Variants in LTBP1 observed in about 807,000 individuals in gnomAD.
The protein encoded by LTBP1 is latent-transforming growth factor beta-binding protein 1.
A neutral mutation model predicts 207.6 loss-of-function variants in LTBP1; 129 were observed. That is an observed-to-expected ratio of 0.62 (90% confidence interval 0.54 to 0.72). The LOEUF (loss-of-function observed/expected upper bound fraction) is 0.72, where lower values mean the gene tolerates loss of function less well. Among genes scored for constraint, LTBP1 ranks in the 30% least tolerant of loss-of-function variants. The probability of loss-of-function intolerance (pLI) is 0.00; values close to 1 mark genes in which losing one functional copy is unlikely to be tolerated. For missense variants in LTBP1, 2,281 were observed against 2,217.2 expected, an observed-to-expected ratio of 1.03 and a Z score of -0.58; for synonymous variants, 963 against 833.7, an observed-to-expected ratio of 1.16 and a Z score of -2.67.
intron 3 of LTBP1, among the ~76,000 whole-genome samples, chr2:33,081,182 A>G (rs1422868511): frequency 6.6e-6 from 1 of 152,138 alleles, no homozygotes; most frequent in Admixed American, 6.5e-5. Context: ...GAGGATCAGA[A>G]TGTTTCTTTC....
chr2:33,142,969 C>G (rs992113410), intron 5 of LTBP1, among the ~76,000 whole-genome samples: 1 of 152,186 alleles, frequency 6.6e-6, no homozygotes, highest in African/African-American at 2.4e-5. Flanking sequence ...GTCTAAACTG[C>G]TTAGCATAGC....
intron 3 of LTBP1, among the ~76,000 whole-genome samples, chr2:33,060,740 A>T (rs1248083454): frequency 7.9e-5 from 12 of 151,872 alleles, no homozygotes; most frequent in African/African-American, 4.8e-5. Context: ...CCAGAGCATG[A>T]ATTATTTTCT....
In LTBP1 at chr2:32,947,692, G is replaced by C. The variant is rs1269527364; in HGVS notation, c.368G>C (p.Gly123Ala). 1 of 1,509,836 alleles carries C rather than the reference G, an allele frequency of 6.6e-7. No individual in the cohort carries two copies. Among genetic ancestry groups the C allele is most frequent in the Admixed American group, 2.1e-5 (1 of 47,558 alleles). 93.5% of individuals were successfully genotyped at this position (1,509,836 alleles called of 1,614,324 possible). ...GGCGGGCAGCTCCACCCCAATCCCG[G>C]CGGCCACCCGGCAGCCGCCCCGTTC... is the stretch of plus-strand genomic sequence containing the variant. ...VPGGQLHPNP[G>A]GHPAAAPFTK... is the part of the protein sequence containing the mutation. Residue 123 changes from glycine (G) to alanine (A), a missense_variant, in exon 1 of 34, where the codon GGC (glycine) becomes GCC (alanine). By Grantham distance (60) the Gly-to-Ala change is moderately conservative (BLOSUM62 0). Coordinates refer to ENST00000404816, the MANE Select transcript of LTBP1 (RefSeq NM_206943.4).
chr2:32,973,177 C>G (rs1681174804), intron 2 of LTBP1, among the ~76,000 whole-genome samples: 1 of 152,028 alleles, frequency 6.6e-6, no homozygotes, highest in Non-Finnish European at 1.5e-5. Flanking sequence ...GTGTTGAGTT[C>G]AGCTCCTGAA....
At chr2:33,032,124 T>C (rs952765966) in intron 3 of LTBP1, among the ~76,000 whole-genome samples, 1 of 152,158 alleles carries the variant, frequency 6.6e-6, no homozygotes, top group Non-Finnish European at 1.5e-5. Context: ...TGTTGATCTC[T>C]CTCTCTACCT....
chr2:33,023,649 A>G (rs1051830199), intron 3 of LTBP1, among the ~76,000 whole-genome samples: 3 of 152,184 alleles, frequency 2.0e-5, no homozygotes, highest in Non-Finnish European at 4.4e-5. Flanking sequence ...ATATTAATAA[A>G]CTATATAGTT....
chr2:33,316,182 G>GACCTATTATAGCTTGCTAAATGGAGGA (rs140683616), intron 24 of LTBP1, among the ~76,000 whole-genome samples: 104,178 of 152,012 alleles, frequency 0.69, 37,487 homozygotes, highest in Non-Finnish European at 0.79. Flanking sequence ...TGTTCTTGAT[G>GACCTATTATAGCTTGCTAAATGGAGGA]ATAATTTACC....
chr2:32,951,624 T>C (rs1250021742), intron 2 of LTBP1, among the ~76,000 whole-genome samples: 1 of 152,202 alleles, frequency 6.6e-6, no homozygotes, highest in Non-Finnish European at 1.5e-5. Context: ...GGGAGTTCAC[T>C]TGACCTGTCT....
At chr2:33,125,568 C>T (rs1030430294) in intron 4 of LTBP1, among the ~76,000 whole-genome samples, 8 of 152,134 alleles carry the variant, frequency 5.3e-5, no homozygotes, top group African/African-American at 1.4e-4. Context: ...CACGGTGGCT[C>T]ACGCTTGTAA....
chr2:32,973,651 A>G (rs1331649161), intron 2 of LTBP1, among the ~76,000 whole-genome samples: 2 of 152,152 alleles, frequency 1.3e-5, no homozygotes, highest in Non-Finnish European at 2.9e-5. Context: ...CATAGACCAA[A>G]ATCACCCTAT....
intron 4 of LTBP1, among the ~76,000 whole-genome samples, chr2:33,116,885 G>T (rs1397683126): frequency 1.3e-5 from 2 of 152,034 alleles, no homozygotes; most frequent in Admixed American, 1.3e-4. Context: ...TAGAAGTGAA[G>T]AAGCACGCAC....
chr2:33,124,368 C>T (rs1168084979), intron 4 of LTBP1, among the ~76,000 whole-genome samples: 3 of 152,136 alleles, frequency 2.0e-5, no homozygotes, highest in Admixed American at 2.0e-4. Flanking sequence ...CAAGATTGTG[C>T]CACTGCACTC....
At chr2:33,192,921 C>T (rs998560946) in intron 7 of LTBP1, among the ~76,000 whole-genome samples, 11 of 152,086 alleles carry the variant, frequency 7.2e-5, no homozygotes, top group Admixed American at 1.3e-4. Context: ...ATAACTAACC[C>T]ACTCCCAAGA....
rs746055500 is a variant in LTBP1 at position 33,242,763 on chromosome 2, A to G, written c.1877-899A>G. 3.3e-5 allele frequency among the ~76,000 whole-genome samples: 5 copies of G among 151,732 alleles called. No homozygotes were observed. The South Asian group carries it at 6.3e-4, about 19-fold the overall frequency. ...ACTGTCACCAGCCTGGCTGTTACCA[A>G]CCTCATACTTGCATGACCCCTTCAA... On this transcript the variant is annotated intron_variant, in intron 9 of 33. Coordinates refer to ENST00000404816, the MANE Select transcript of LTBP1 (RefSeq NM_206943.4).
intron 10 of LTBP1, among the ~76,000 whole-genome samples, chr2:33,248,515 C>T (rs2092579266): frequency 1.3e-5 from 2 of 151,972 alleles, no homozygotes; most frequent in Admixed American, 6.5e-5. Flanking sequence ...TCTCACCTGC[C>T]ACACTATAGA....
At chr2:32,947,863 C>T (rs1191786494) in intron 1 of LTBP1, 45 bp downstream of exon 1, 2 of 1,272,674 alleles carry the variant, frequency 1.6e-6, no homozygotes, top group African/African-American at 1.6e-5. Flanking sequence ...CTCGCGCGCA[C>T]CGCCCGCGGA....
chr2:33,144,130 T>C (rs955736213), intron 5 of LTBP1, among the ~76,000 whole-genome samples: 1 of 151,888 alleles, frequency 6.6e-6, no homozygotes, highest in Non-Finnish European at 1.5e-5. Context: ...AGAGTGTGCT[T>C]ATGTCTCCTG....
At chr2:33,302,371 C>G (rs2094002542) in intron 22 of LTBP1, among the ~76,000 whole-genome samples, 1 of 152,172 alleles carries the variant, frequency 6.6e-6, no homozygotes, top group South Asian at 2.1e-4. Context: ...GGTTGTGTCT[C>G]CCATGCAGGG....
chr2:32,985,732 T>C (rs1247547749), intron 2 of LTBP1, among the ~76,000 whole-genome samples: 2 of 152,222 alleles, frequency 1.3e-5, no homozygotes, highest in African/African-American at 4.8e-5. Flanking sequence ...CATGTCAACA[T>C]GGAAGATGTT....
Sources: gnomAD v4.1 joint callset for allele counts (sites outside exome capture counted in the v4.1 genomes callset) on GRCh38, gnomAD v4.1.1 for gene constraint, MANE v1.5 for transcripts, NCBI Gene and HGNC (gene_info 2026-07-23, HGNC 2026-07-21) for gene names.